Variants in SOX6 observed in about 807,000 individuals in gnomAD.
SOX6 encodes the protein transcription factor SOX-6.
In SOX6, 11 loss-of-function variants were observed where a neutral mutation model predicts 97.8. The ratio of observed to expected loss-of-function variants is 0.11; its 90% CI spans 0.07 to 0.19. SOX6 has a LOEUF of 0.19. SOX6 is among the 10% of genes least tolerant of loss of function. SOX6 has a pLI of 1.00. For synonymous variants in SOX6, 360 were observed against 371.4 expected (o/e 0.97, Z 0.35); for missense variants, 810 against 1,039.5 (o/e 0.78, Z 3.04).
At chr11:16,455,844 CAT>C (rs879873635) in intron 1 of SOX6, among the ~76,000 whole-genome samples, 1 of 152,140 alleles carries the variant, frequency 6.6e-6, no homozygotes, top group Admixed American at 6.5e-5. Context: ...TTACTATTAA[CAT>C]GTGTTATTTT....
intron 6 of SOX6, among the ~76,000 whole-genome samples, chr11:16,144,634 T>A (rs1850240756): frequency 6.7e-6 from 1 of 150,074 alleles, no homozygotes; most frequent in South Asian, 2.1e-4. Context: ...GAGAGAAGAA[T>A]CAAATAGACG....
At chr11:16,111,769 T>C in intron 7 of SOX6, 34 bp downstream of exon 7, 1 of 1,612,212 alleles carries the variant, frequency 6.2e-7, no homozygotes, top group South Asian at 1.1e-5. Flanking sequence ...GATCTGAGCA[T>C]TTGGAAAAGA....
chr11:16,273,131 G>GA (rs35326692), intron 3 of SOX6, among the ~76,000 whole-genome samples: 25,291 of 151,048 alleles, frequency 0.17, 2,590 homozygotes, highest in Admixed American at 0.29. Context: ...ATTAAAGTCA[G>GA]AAAAAAAATT....
At chr11:16,365,099 T>G (rs181369713) in intron 1 of SOX6, among the ~76,000 whole-genome samples, 67 of 152,240 alleles carry the variant, frequency 4.4e-4, no homozygotes, top group African/African-American at 6.7e-4. Context: ...TATAGTATAT[T>G]GTTATATTGT....
chr11:16,509,121 A>G (rs982366106), intron 4 of SOX6, among the ~76,000 whole-genome samples: 2 of 151,948 alleles, frequency 1.3e-5, no homozygotes, highest in African/African-American at 4.8e-5. Flanking sequence ...TTTTTACTCT[A>G]TACCTTTTGT....
chr11:16,219,281 C>G (rs1852468681), intron 4 of SOX6, among the ~76,000 whole-genome samples: 1 of 151,908 alleles, frequency 6.6e-6, no homozygotes, highest in African/African-American at 2.4e-5. Context: ...AAGGAAGTTG[C>G]CTTGCAATTG....
At chr11:16,502,726 T>A (rs111334154) in intron 4 of SOX6, among the ~76,000 whole-genome samples, 2 of 152,112 alleles carry the variant, frequency 1.3e-5, no homozygotes, top group African/African-American at 4.8e-5. Flanking sequence ...TGGGACACCA[T>A]AAAGTGACCT....
intron 13 of SOX6, among the ~76,000 whole-genome samples, chr11:15,989,541 T>C (rs754934820): frequency 6.6e-6 from 1 of 152,172 alleles, no homozygotes; most frequent in Non-Finnish European, 1.5e-5. Context: ...TGTAATTCCT[T>C]TCTTCAAAAA....
At position 16,610,959 on chromosome 11, in the gene SOX6, C is replaced by T. The variant is rs552902145; in HGVS notation, n.609+1122G>A. On this transcript the variant is annotated intron_variant and non_coding_transcript_variant, in intron 4 of 5. Coordinates refer to the SOX6 transcript ENST00000524520. This position sits in a 1 kb window ranked among gnomAD's most constrained non-coding sequence, Gnocchi z 4.4. ...CTCACATCCCCTGGGGGTTGGAGCC[C>T]CACGCGGCGCAAGAACCCCGGGCGC... Among the ~76,000 whole-genome samples the T allele has an allele frequency of 5.9e-5, 9 of 152,268 alleles. No individual in the cohort carries two copies. In the South Asian group the frequency reaches 1.9e-3, roughly 32 times the overall value.
intron 15 of SOX6, among the ~76,000 whole-genome samples, chr11:15,978,430 T>G (rs558007797): frequency 2.6e-5 from 4 of 152,030 alleles, no homozygotes; most frequent in African/African-American, 9.6e-5. Context: ...GCATTTGATA[T>G]AGCTGATCAT....
chr11:16,085,565 G>A (rs2133960762), intron 9 of SOX6, among the ~76,000 whole-genome samples: 1 of 152,244 alleles, frequency 6.6e-6, no homozygotes, highest in African/African-American at 2.4e-5. Flanking sequence ...CTAGAGCAGA[G>A]CTTACAAAAT....
At chr11:16,381,507 A>C (rs952724441) in intron 1 of SOX6, among the ~76,000 whole-genome samples, 3 of 151,986 alleles carry the variant, frequency 2.0e-5, no homozygotes, top group Non-Finnish European at 2.9e-5. Flanking sequence ...CTATGCTTAA[A>C]ATATGTTCAA....
chr11:16,238,815 C>CT (rs1853101092), intron 3 of SOX6, among the ~76,000 whole-genome samples: 1 of 152,006 alleles, frequency 6.6e-6, no homozygotes, highest in Admixed American at 6.6e-5. Flanking sequence ...AAAATATCTT[C>CT]AAAATATTTT....
intron 4 of SOX6, among the ~76,000 whole-genome samples, chr11:16,187,644 T>C (rs1012511827): frequency 6.6e-6 from 1 of 152,100 alleles, no homozygotes; most frequent in Non-Finnish European, 1.5e-5. Context: ...TCATTTGTCA[T>C]TTTTCAAAGA....
intron 2 of SOX6, among the ~76,000 whole-genome samples, chr11:16,722,627 G>A (rs1025898158): frequency 2.3e-4 from 35 of 151,842 alleles, no homozygotes; most frequent in African/African-American, 7.0e-4. Context: ...CTCCAGCCTG[G>A]GCAACAAAGT....
At chr11:16,389,579 T>C (rs934082955) in intron 1 of SOX6, among the ~76,000 whole-genome samples, 2 of 152,110 alleles carry the variant, frequency 1.3e-5, no homozygotes. Flanking sequence ...TGGTTCTTCA[T>C]ATGTTGAGCA....
chr11:16,132,481 A>C lies in SOX6; in HGVS notation c.778-20558T>G, dbSNP rs574488358. On this transcript the variant is annotated intron_variant, in intron 6 of 15. Coordinates refer to ENST00000683767, the MANE Select transcript of SOX6 (RefSeq NM_001367873.1). The stretch of plus-strand genomic sequence containing the variant: ...GAAAGAAAGAAAGAAAGAAAGAAAG[A>C]AAGAAAGAAAGAAAGAAAGAAAGAA... 2.3e-3 allele frequency among the ~76,000 whole-genome samples: 338 copies of C among 144,566 alleles called. 15 individuals carry two copies. Among genetic ancestry groups the C allele is most frequent in the African/African-American group, 8.4e-3 (321 of 38,040 alleles). The allele number at this position is 144,566 out of a possible 152,430, so 94.8% of individuals were successfully genotyped here. A position where few individuals can be genotyped will look rare whatever the true frequency, so the allele number is the denominator to read the frequency against.
chr11:16,664,249 T>G (rs1243312617), intron 3 of SOX6, among the ~76,000 whole-genome samples: 1 of 152,196 alleles, frequency 6.6e-6, no homozygotes, highest in Non-Finnish European at 1.5e-5. Flanking sequence ...GCAATCACAG[T>G]ACCTAATTTT....
At chr11:16,730,010 A>G (rs1848336573) in intron 2 of SOX6, among the ~76,000 whole-genome samples, 1 of 142,498 alleles carries the variant, frequency 7.0e-6, no homozygotes, top group Non-Finnish European at 1.5e-5. Context: ...CAATGCAACA[A>G]GAAGAGCTAA....
Sources: allele counts gnomAD v4.1 joint callset (sites outside exome capture counted in the v4.1 genomes callset), GRCh38; gene constraint gnomAD v4.1.1; non-coding constraint Gnocchi (gnomAD v3.1); transcripts MANE v1.5; gene names NCBI Gene and HGNC (gene_info 2026-07-23, HGNC 2026-07-21).